SPIN1: variants seen among roughly 807,000 people sequenced by gnomAD.
The protein encoded by SPIN1 is spindlin-1.
In SPIN1, 3 loss-of-function variants were observed where a neutral mutation model predicts 26.0. That is an observed-to-expected ratio of 0.12 (90% CI 0.05 to 0.30). The LOEUF is 0.30. SPIN1 is among the 10% of genes least tolerant of loss of function. The pLI, the probability that SPIN1 is intolerant of heterozygous loss-of-function variation, is 1.00. For missense variants in SPIN1, 126 were observed against 333.4 expected (o/e 0.38, Z 4.84); for synonymous variants, 101 against 116.5 (o/e 0.87, Z 0.86).
chr9:88,456,446 G>A (rs951428459), intron 3 of SPIN1, among the ~76,000 whole-genome samples: 1 of 152,176 alleles, frequency 6.6e-6, no homozygotes, highest in African/African-American at 2.4e-5. Context: ...ATCAGAGATA[G>A]TAAGGGCTGG....
chr9:88,424,339 C>T (rs10868776), intron 1 of SPIN1, among the ~76,000 whole-genome samples: 28,781 of 151,920 alleles, frequency 0.19, 3,647 homozygotes, highest in African/African-American at 0.36. Flanking sequence ...ACTTGAGATA[C>T]GAGATTACAA....
At chr9:88,423,413 C>G (rs762217302) in intron 1 of SPIN1, among the ~76,000 whole-genome samples, 41 of 151,544 alleles carry the variant, frequency 2.7e-4, no homozygotes, top group Admixed American at 5.3e-4. Flanking sequence ...TTGGGAAATA[C>G]TACATTATGG....
intron 1 of SPIN1, among the ~76,000 whole-genome samples, chr9:88,398,144 C>T (rs145592447): frequency 1.3e-5 from 2 of 151,492 alleles, no homozygotes; most frequent in East Asian, 2.0e-4. Flanking sequence ...CCAGGCTGGT[C>T]TCGAGCTCCT....
At chr9:88,473,360 T>G (rs951092792) in intron 5 of SPIN1, among the ~76,000 whole-genome samples, 4 of 144,160 alleles carry the variant, frequency 2.8e-5, no homozygotes, top group African/African-American at 8.8e-5. Flanking sequence ...ACCACTGCAC[T>G]CCAGCCTGGG....
At chr9:88,431,051 T>G (rs1272707041) in intron 2 of SPIN1, among the ~76,000 whole-genome samples, 2 of 151,970 alleles carry the variant, frequency 1.3e-5, no homozygotes, top group Non-Finnish European at 2.9e-5. Context: ...CTCGGCTAAC[T>G]TTTTTGCATT....
intron 1 of SPIN1, among the ~76,000 whole-genome samples, chr9:88,420,943 C>T (rs940125197): frequency 5.3e-5 from 8 of 152,188 alleles, no homozygotes; most frequent in Non-Finnish European, 1.2e-4. Context: ...TGTCTGTACA[C>T]GTAGCCTCTG....
chr9:88,393,278 A>G (rs1315893867), intron 1 of SPIN1, among the ~76,000 whole-genome samples: 1 of 151,868 alleles, frequency 6.6e-6, no homozygotes, highest in Non-Finnish European at 1.5e-5. Flanking sequence ...CGTGTTAACA[A>G]AATAGGCAAT....
At chr9:88,394,451 G>T (rs1203021456) in intron 1 of SPIN1, among the ~76,000 whole-genome samples, 1 of 152,182 alleles carries the variant, frequency 6.6e-6, no homozygotes. Context: ...GAAGCATACA[G>T]ATTTTGATTT....
rs920339781 is a variant in SPIN1, at chr9:88,422,620, T to G, written c.-158-3762T>G. Among the ~76,000 whole-genome samples the G allele has an allele frequency of 4.6e-5, 7 of 152,220 alleles. No homozygotes were observed. In the East Asian group the frequency reaches 1.3e-3, roughly 29 times the overall value. On this transcript the variant is annotated intron_variant, in intron 1 of 5. Transcript: ENST00000375859. ...TTAGGATAAGATCAGGTGGTTGAAC[T>G]ATTTATTACTTGCAACTCAAAAAAG... is the stretch of plus-strand genomic sequence containing the variant.
chr9:88,436,066 CAAT>C (rs1415824411), intron 2 of SPIN1, among the ~76,000 whole-genome samples: 1 of 151,960 alleles, frequency 6.6e-6, no homozygotes, highest in Non-Finnish European at 1.5e-5. Flanking sequence ...TCAATATTGA[CAAT>C]ATTACTCTCT....
intron 1 of SPIN1, among the ~76,000 whole-genome samples, chr9:88,406,038 T>TAC (rs143590593): frequency 0.069 from 10,219 of 147,954 alleles, 1,154 homozygotes; most frequent in African/African-American, 0.24. Context: ...TGTGTGTGTG[T>TAC]GTGTACGTGT....
chr9:88,401,054 C>G (rs1022527451), intron 1 of SPIN1, among the ~76,000 whole-genome samples: 2 of 152,068 alleles, frequency 1.3e-5, no homozygotes, highest in African/African-American at 4.8e-5. Flanking sequence ...ATGCATAGCC[C>G]TTAAATAACT....
chr9:88,432,246 A>G (rs1311521815), intron 2 of SPIN1, among the ~76,000 whole-genome samples: 3 of 130,564 alleles, frequency 2.3e-5, no homozygotes, highest in Non-Finnish European at 4.7e-5. Flanking sequence ...GCTAAGTGCA[A>G]TGGCATGATC....
chr9:88,412,218 C>T (rs2117964327), intron 1 of SPIN1, among the ~76,000 whole-genome samples: 1 of 152,150 alleles, frequency 6.6e-6, no homozygotes, highest in African/African-American at 2.4e-5. Flanking sequence ...AACACAATTC[C>T]AGTAGTCGTT....
At chr9:88,411,864 G>C (rs1827453204) in intron 1 of SPIN1, among the ~76,000 whole-genome samples, 1 of 151,944 alleles carries the variant, frequency 6.6e-6, no homozygotes, top group African/African-American at 2.4e-5. Flanking sequence ...CAGAAGTCAA[G>C]AAAATAGTTC....
intron 1 of SPIN1, among the ~76,000 whole-genome samples, chr9:88,399,283 C>A (rs755340448): frequency 1.2e-4 from 19 of 152,066 alleles, no homozygotes; most frequent in Non-Finnish European, 4.4e-5. Context: ...CCACCCGCCT[C>A]GGCCTCCCAA....
intron 1 of SPIN1, among the ~76,000 whole-genome samples, chr9:88,417,639 A>G (rs1827594425): frequency 6.6e-6 from 1 of 151,760 alleles, no homozygotes. Context: ...TGCCCAGCTA[A>G]TTTTTGTATT....
Position 88,475,299 on chromosome 9 carries a change from A to G in SPIN1, c.*22A>G, listed in dbSNP as rs1279479058. 1.2e-6 allele frequency: 2 copies of G among 1,603,824 alleles called. No individual in the cohort carries two copies. The highest frequency in any genetic ancestry group is 1.7e-6 in the Non-Finnish European group (2 of 1,172,516). On this transcript the variant is annotated 3_prime_UTR_variant, in exon 6 of 6. Coordinates refer to ENST00000375859, the MANE Select transcript of SPIN1 (RefSeq NM_006717.3). ...CTAGATGTCATCACAAACTCTGCCA[A>G]ATTTGTGGAACTATGAAATGTATTA...
At chr9:88,391,108 C>G (rs1479214994) in intron 1 of SPIN1, among the ~76,000 whole-genome samples, 2 of 152,132 alleles carry the variant, frequency 1.3e-5, no homozygotes, top group Non-Finnish European at 2.9e-5. Context: ...ACACATAGGA[C>G]ACTTAGGACC....
Sources: allele counts gnomAD v4.1 joint callset (sites outside exome capture counted in the v4.1 genomes callset), GRCh38; gene constraint gnomAD v4.1.1; transcripts MANE v1.5; gene names NCBI Gene and HGNC (gene_info 2026-07-23, HGNC 2026-07-21).